PTPRD: variants seen among roughly 807,000 people sequenced by gnomAD.
PTPRD encodes the protein protein tyrosine phosphatase receptor type D, also known as receptor-type tyrosine-protein phosphatase delta.
PTPRD carries 34 observed loss-of-function variants against 214.5 expected under a neutral mutation model. The ratio of observed to expected loss-of-function variants is 0.16; its 90% CI spans 0.12 to 0.21. The LOEUF (loss-of-function observed/expected upper bound fraction) is 0.21, where lower values mean the gene tolerates loss of function less well. Among genes scored for constraint, PTPRD ranks in the 10% least tolerant of loss-of-function variants. The pLI, the probability that PTPRD is intolerant of heterozygous loss-of-function variation, is 1.00. For synonymous variants in PTPRD, 1,128 were observed against 845.7 expected, an observed-to-expected ratio of 1.33 and a Z score of -5.79; for missense variants, 2,545 against 2,398.7, an observed-to-expected ratio of 1.06 and a Z score of -1.27.
intron 9 of PTPRD, among the ~76,000 whole-genome samples, chr9:9,350,454 T>G (rs888552361): frequency 1.3e-5 from 2 of 152,082 alleles, no homozygotes; most frequent in Non-Finnish European, 2.9e-5. Context: ...AGTCTCTAAA[T>G]CCTTTGTGTA....
intron 2 of PTPRD, among the ~76,000 whole-genome samples, chr9:10,344,414 C>G (rs182666381): frequency 6.6e-6 from 1 of 152,208 alleles, no homozygotes; most frequent in Non-Finnish European, 1.5e-5. Flanking sequence ...CAGCACCATG[C>G]TGTTTTGGTT....
chr9:10,050,548 A>G (rs1338823495), intron 3 of PTPRD, among the ~76,000 whole-genome samples: 7 of 119,638 alleles, frequency 5.9e-5, no homozygotes, highest in Non-Finnish European at 1.2e-4. Flanking sequence ...CAATAAAGAG[A>G]GAGTCTGTCT....
intron 8 of PTPRD, among the ~76,000 whole-genome samples, chr9:9,417,291 T>A (rs910950640): frequency 1.3e-5 from 2 of 152,138 alleles, no homozygotes; most frequent in African/African-American, 2.4e-5. Flanking sequence ...TGAGGTAAAA[T>A]AAATTCAGAT....
At chr9:10,054,828 C>G (rs1174888732) in intron 3 of PTPRD, among the ~76,000 whole-genome samples, 2 of 152,084 alleles carry the variant, frequency 1.3e-5, no homozygotes, top group Non-Finnish European at 2.9e-5. Context: ...CATCCTGGCC[C>G]TTATAAACTG....
intron 9 of PTPRD, among the ~76,000 whole-genome samples, chr9:9,254,693 T>A (rs530779591): frequency 6.6e-6 from 1 of 152,206 alleles, no homozygotes; most frequent in South Asian, 2.1e-4. Context: ...AGGAGAAATA[T>A]CAGCAGATGT....
intron 9 of PTPRD, among the ~76,000 whole-genome samples, chr9:9,393,823 T>C (rs140603919): frequency 3.9e-5 from 6 of 152,266 alleles, no homozygotes; most frequent in East Asian, 1.9e-4. Flanking sequence ...GCCTGAGCTA[T>C]AGTAAGTGCT....
At chr9:10,118,488 T>TA (rs2154244917) in intron 3 of PTPRD, among the ~76,000 whole-genome samples, 1 of 151,778 alleles carries the variant, frequency 6.6e-6, no homozygotes, top group African/African-American at 2.4e-5. Context: ...ACCTGACACA[T>TA]AATAAAGATT....
intron 11 of PTPRD, among the ~76,000 whole-genome samples, chr9:8,844,752 G>A (rs1301420361): frequency 2.6e-5 from 4 of 152,172 alleles, no homozygotes; most frequent in South Asian, 4.1e-4. Context: ...CTAGGTCACA[G>A]GAAATTACAT....
At chr9:8,526,552 G>C in intron 17 of PTPRD, 75 bp downstream of exon 17, 4 of 1,338,436 alleles carry the variant, frequency 3.0e-6, no homozygotes, top group Non-Finnish European at 4.0e-6. Flanking sequence ...CTGAAAACAG[G>C]ACAAAGATGA....
chr9:8,539,584 A>C (rs1221147775), intron 14 of PTPRD, among the ~76,000 whole-genome samples: 4 of 152,160 alleles, frequency 2.6e-5, no homozygotes, highest in Admixed American at 2.6e-4. Flanking sequence ...TTGATTAAAA[A>C]ATCAAAGTTA....
intron 8 of PTPRD, among the ~76,000 whole-genome samples, chr9:9,550,826 G>C (rs1167370844): frequency 1.3e-5 from 2 of 151,776 alleles, no homozygotes; most frequent in East Asian, 1.9e-4. Flanking sequence ...GATATAGAGA[G>C]TATATAAGTA....
Position 8,525,021 on chromosome 9 carries a change from C to T in PTPRD, c.583G>A (p.Glu195Lys), listed in dbSNP as rs528492752. ...GTPIRGALQI[E>K]QSEESDQGKY... ...CCTTGGTCAGACTCTTCACTCTGCT[C>T]AATCTGAAGGGCTCCTGTATGGATA... The change falls in exon 18 of 46, where the codon GAG (glutamate) becomes AAG (lysine). Residue 195 changes from glutamate to lysine, a missense_variant. Transcript: ENST00000381196. 1.2e-6 allele frequency: 2 copies of T among 1,613,242 alleles called. No individual in the cohort carries two copies. The highest frequency in any genetic ancestry group is 1.3e-5 in the African/African-American group (1 of 74,822).
At chr9:8,786,506 G>C (rs1239606571) in intron 11 of PTPRD, among the ~76,000 whole-genome samples, 1 of 147,932 alleles carries the variant, frequency 6.8e-6, no homozygotes, top group African/African-American at 2.5e-5. Context: ...CGCTTCCCGG[G>C]TTCAAAAGAT....
rs188133282 is a variant in PTPRD at position 8,454,494 on chromosome 9, C to T, written c.3876-4657G>A. 12 of 1,438,670 alleles carry T rather than the reference C, an allele frequency of 8.3e-6. No homozygotes were observed. In the East Asian group the frequency reaches 1.2e-4, roughly 14 times the overall value. The allele number at this position is 1,438,670 out of a possible 1,614,324, so 89.1% of individuals were successfully genotyped here. On this transcript the variant is annotated intron_variant, in intron 33 of 45. Transcript: ENST00000381196. The stretch of plus-strand genomic sequence containing the variant: ...AGGTATTATCTTTTGTGTGCAGCCC[C>T]GCCCTCCCCTCTTCAACAACTCTGA...
At chr9:9,021,653 T>C (rs887969355) in intron 10 of PTPRD, among the ~76,000 whole-genome samples, 2 of 152,140 alleles carry the variant, frequency 1.3e-5, no homozygotes, top group African/African-American at 2.4e-5. Flanking sequence ...CCTGAAGATC[T>C]TCTAGTGGGA....
chr9:8,681,175 A>G (rs947089806), intron 12 of PTPRD, among the ~76,000 whole-genome samples: 5 of 152,246 alleles, frequency 3.3e-5, no homozygotes, highest in African/African-American at 1.2e-4. Flanking sequence ...TCCCTGATCA[A>G]TCATCCATAG....
intron 9 of PTPRD, among the ~76,000 whole-genome samples, chr9:9,258,539 C>T (rs2099978766): frequency 6.6e-6 from 1 of 151,834 alleles, no homozygotes; most frequent in South Asian, 2.1e-4. Context: ...TAACTTATGT[C>T]TGAGAAGCAT....
intron 5 of PTPRD, among the ~76,000 whole-genome samples, chr9:9,775,769 C>A (rs1028762729): frequency 3.9e-5 from 6 of 152,122 alleles, no homozygotes; most frequent in African/African-American, 1.4e-4. Context: ...CGGTGAAACC[C>A]AGTCTCTACT....
At chr9:10,145,427 T>A (rs1437187346) in intron 3 of PTPRD, among the ~76,000 whole-genome samples, 1 of 152,178 alleles carries the variant, frequency 6.6e-6, no homozygotes, top group African/African-American at 2.4e-5. Flanking sequence ...AAGACTTTTA[T>A]GATGATCCAC....
Sources: gnomAD v4.1 joint callset for allele counts (sites outside exome capture counted in the v4.1 genomes callset) on GRCh38, gnomAD v4.1.1 for gene constraint, MANE v1.5 for transcripts, NCBI Gene and HGNC (gene_info 2026-07-23, HGNC 2026-07-21) for gene names.